The following KNL1 variants were observed in gnomAD, a reference collection of about 807,000 sequenced individuals.
The protein encoded by KNL1 is outer kinetochore KNL1 complex subunit KNL1.
KNL1 carries 66 observed loss-of-function variants against 201.3 expected under a neutral mutation model. The observed-to-expected ratio is 0.33, with a 90% CI of 0.27 to 0.40. The LOEUF is 0.40. Ranked by LOEUF, KNL1 falls within the 10% of genes least tolerant of loss-of-function variation. KNL1 has a pLI of 1.00. For synonymous variants in KNL1, 895 were observed against 899.2 expected, an observed-to-expected ratio of 1.00 and a Z score of 0.08; for missense variants, 2,815 against 2,690.5, an observed-to-expected ratio of 1.05 and a Z score of -1.02.
chr15:40,647,315 A>G (rs569842518), intron 17 of KNL1, among the ~76,000 whole-genome samples: 1 of 152,078 alleles, frequency 6.6e-6, no homozygotes, highest in East Asian at 1.9e-4. Flanking sequence ...TCTCTACTAA[A>G]AATTTTAAAA....
intron 17 of KNL1, among the ~76,000 whole-genome samples, chr15:40,647,540 C>T (rs1219034782): frequency 1.3e-5 from 2 of 151,984 alleles, no homozygotes; most frequent in Non-Finnish European, 2.9e-5. Flanking sequence ...TTACTATAGT[C>T]ATCCATAATA....
chr15:40,624,558 G>C lies in KNL1; in HGVS notation c.4294G>C (p.Val1432Leu). 6.2e-7 allele frequency: 1 copy of C among 1,613,868 alleles called. No homozygotes were observed. Among genetic ancestry groups the C allele is most frequent in the South Asian group, 1.1e-5 (1 of 91,080 alleles). Reference sequence around the variant, plus strand: ...TAAGCTTCCAAAGGATCAAATGAAAGTCTATGTTGATGACATTTATGTTAT... The same window carrying C: ...TAAGCTTCCAAAGGATCAAATGAAACTCTATGTTGATGACATTTATGTTAT... ...SFKLPKDQMK[V>L]YVDDIYVIPQ... Residue 1432 changes from valine (V) to leucine (L), a missense_variant, in exon 10 of 26, where the codon GTC becomes CTC. Coordinates refer to ENST00000399668, the MANE Select transcript of KNL1 (RefSeq NM_144508.5).
intron 1 of KNL1, among the ~76,000 whole-genome samples, chr15:40,598,099 A>G (rs7176974): frequency 0.78 from 118,755 of 151,336 alleles, 47,580 homozygotes; most frequent in Non-Finnish European, 0.85. Context: ...ACTTGAACCC[A>G]GGATGGGGAT....
chr15:40,594,742 G>A (rs1891573879), intron 1 of KNL1, among the ~76,000 whole-genome samples: 1 of 152,174 alleles, frequency 6.6e-6, no homozygotes, highest in African/African-American at 2.4e-5. Context: ...CACCCCTGCC[G>A]CTCTTCCCTA....
intron 8 of KNL1, among the ~76,000 whole-genome samples, chr15:40,616,344 C>G (rs931858127): frequency 6.6e-6 from 1 of 150,604 alleles, no homozygotes; most frequent in African/African-American, 2.4e-5. Flanking sequence ...CCAGGCTGCT[C>G]TCAAACTCCT....
intron 14 of KNL1, chr15:40,643,261 C>G (rs945849444): frequency 6.6e-6 from 1 of 152,076 alleles, no homozygotes; most frequent in African/African-American, 2.4e-5. Flanking sequence ...AGAACTCTGC[C>G]TCCTGGGTTG....
intron 17 of KNL1, 76 bp from the exon 18 acceptor site, chr15:40,650,225 T>C (rs1003588757): frequency 7.3e-6 from 7 of 954,042 alleles, no homozygotes; most frequent in East Asian, 2.5e-5. Flanking sequence ...GATTGAATTA[T>C]TCTTTTTTTC....
Position 40,619,012 on chromosome 15 carries a change from G to C in KNL1, c.375+1G>C. On this transcript the variant is annotated splice_donor_variant, in intron 9 of 25. Coordinates refer to ENST00000399668, the MANE Select transcript of KNL1 (RefSeq NM_144508.5). LOFTEE classifies it high-confidence loss of function. ...TCATACCCAGATGCAACAGAAGGAG[G>C]TATGAGTTCATGCAAATACCTTCAT... 6.3e-7 allele frequency: 1 copy of C among 1,586,346 alleles called. No individual in the cohort carries two copies. Among genetic ancestry groups the C allele is most frequent in the Non-Finnish European group, 8.7e-7 (1 of 1,155,842 alleles).
chr15:40,643,858 C>T (rs1409022710), intron 14 of KNL1, among the ~76,000 whole-genome samples: 1 of 152,126 alleles, frequency 6.6e-6, no homozygotes, highest in Non-Finnish European at 1.5e-5. Context: ...ATGAATTCCC[C>T]TCTTATTATG....
Position 40,651,072 on chromosome 15 carries a change from A to AG in KNL1, c.6213-397dup, listed in dbSNP as rs200333345. 9.3e-3 allele frequency among the ~76,000 whole-genome samples: 1,415 copies of AG among 151,552 alleles called. 25 individuals carry two copies. Among genetic ancestry groups the AG allele is most frequent in the African/African-American group, 0.032 (1,330 of 41,328 alleles). On this transcript the variant is annotated intron_variant, in intron 19 of 25. Coordinates refer to ENST00000399668, the MANE Select transcript of KNL1 (RefSeq NM_144508.5). ...CTAACAACTAAACGAAACCAAATACAGGCAAAAAAAAAAAAACTGTGACAT... is the reference window on the plus strand; with the variant it reads ...CTAACAACTAAACGAAACCAAATACAGGGCAAAAAAAAAAAAACTGTGACAT...
chr15:40,623,212 T>C lies in KNL1; in HGVS notation c.2948T>C (p.Leu983Pro). The C allele has an allele frequency of 6.2e-7, 1 of 1,613,952 alleles. No homozygotes were observed. Among genetic ancestry groups the C allele is most frequent in the Non-Finnish European group, 8.5e-7 (1 of 1,179,882 alleles). ...PNFELSQRKS[L>P]GTPTVICTPT... ...TTTGAACTATCCCAAAGGAAAAGCC[T>C]AGGAACACCAACAGTGATATGTACT... Residue 983 changes from leucine to proline, a missense_variant, in exon 10 of 26, where the codon CTA (leucine) becomes CCA (proline). Physicochemically the swap from Leu to Pro is moderately conservative, Grantham distance 98. Around this residue, in one of 3 missense-constraint regions of KNL1, gnomAD observed 2,464 missense variants for 2,291.7 expected, o/e 1.08. Coordinates refer to ENST00000399668, the MANE Select transcript of KNL1 (RefSeq NM_144508.5).
intron 20 of KNL1, 116 bp from the exon 21 acceptor site, chr15:40,651,889 C>A: frequency 1.6e-6 from 1 of 617,762 alleles, no homozygotes; most frequent in Non-Finnish European, 2.8e-6. Flanking sequence ...TATTTTCTCC[C>A]AGTCCAGTGG....
Position 40,610,246 on chromosome 15 carries a change from G to A in KNL1, c.199G>A (p.Val67Ile). 1 of 1,465,280 alleles carries A rather than the reference G, an allele frequency of 6.8e-7. No individual in the cohort carries two copies. The highest frequency in any genetic ancestry group is 1.1e-5 in the South Asian group (1 of 87,370). The allele number at this position is 1,465,280 out of a possible 1,614,324, so 90.8% of individuals were successfully genotyped here. A position where few individuals can be genotyped will look rare whatever the true frequency, so the allele number is the denominator to read the frequency against. Reference sequence around the variant, plus strand: ...AATAATCTTTATTTTCTCTTCTAGGGTATTCCAGACGGAGTCTCATATGAA... The same window carrying A: ...AATAATCTTTATTTTCTCTTCTAGGATATTCCAGACGGAGTCTCATATGAA... The part of the protein sequence containing the change: ...RRVSFADTIK[V>I]FQTESHMKIV... Residue 67 changes from valine to isoleucine, a missense_variant and splice_region_variant, in exon 6 of 26, where the codon GTA becomes ATA. This residue lies in a region of KNL1 where 2,464 missense variants were observed against 2,291.7 expected (regional missense o/e 1.08). Coordinates refer to ENST00000399668, the MANE Select transcript of KNL1 (RefSeq NM_144508.5).
At chr15:40,652,910 A>T (rs1208559469) in intron 21 of KNL1, among the ~76,000 whole-genome samples, 3 of 152,236 alleles carry the variant, frequency 2.0e-5, no homozygotes, top group Admixed American at 2.0e-4. Context: ...GTTTTGTTGG[A>T]GTTTACTAGT....
At chr15:40,602,781 G>C (rs948084019) in intron 1 of KNL1, 134 bp from the exon 2 acceptor site, 23 of 532,524 alleles carry the variant, frequency 4.3e-5, no homozygotes, top group Non-Finnish European at 7.6e-5. Flanking sequence ...CACTGCGCCC[G>C]GCCTTTCCTT....
intron 25 of KNL1, among the ~76,000 whole-genome samples, chr15:40,660,718 C>T (rs1038077145): frequency 1.3e-5 from 2 of 151,864 alleles, no homozygotes; most frequent in South Asian, 2.1e-4. Context: ...CCTTTAAGCC[C>T]AGCACTTTGG....
intron 7 of KNL1, among the ~76,000 whole-genome samples, chr15:40,614,261 C>T (rs1003936296): frequency 2.0e-5 from 3 of 152,096 alleles, no homozygotes; most frequent in African/African-American, 7.2e-5. Context: ...CCACGCCCAG[C>T]CAATTTTTGT....
chr15:40,652,245 T>C (rs989432538), intron 21 of KNL1, 140 bp downstream of exon 21: 3 of 439,934 alleles, frequency 6.8e-6, no homozygotes, highest in African/African-American at 4.0e-5. Context: ...AGTCACTTTA[T>C]TGATAGCAGA....
chr15:40,598,566 C>G (rs1460248151), intron 1 of KNL1, among the ~76,000 whole-genome samples: 1 of 152,046 alleles, frequency 6.6e-6, no homozygotes, highest in Non-Finnish European at 1.5e-5. Flanking sequence ...AAGACCCTGT[C>G]TCCCTGCCCC....
Sources: allele counts gnomAD v4.1 joint callset (sites outside exome capture counted in the v4.1 genomes callset), GRCh38; gene constraint gnomAD v4.1.1; regional missense constraint gnomAD v4.1.1; transcripts MANE v1.5; gene names NCBI Gene and HGNC (gene_info 2026-07-23, HGNC 2026-07-21).